AP3B1: variants seen among roughly 807,000 people sequenced by gnomAD.
AP3B1 encodes adaptor related protein complex 3 subunit beta 1.
A neutral mutation model predicts 132.5 loss-of-function variants in AP3B1; 61 were observed. The observed-to-expected ratio is 0.46, with a 90% CI of 0.37 to 0.57. AP3B1 has a LOEUF of 0.57. Among genes scored for constraint, AP3B1 ranks in the 20% least tolerant of loss-of-function variants. The pLI, the probability that AP3B1 is intolerant of heterozygous loss-of-function variation, is 0.00. For synonymous variants in AP3B1, 388 were observed against 438.3 expected, an observed-to-expected ratio of 0.89 and a Z score of 1.43; for missense variants, 1,120 against 1,289.4, an observed-to-expected ratio of 0.87 and a Z score of 2.01.
chr5:78,114,472 G>A (rs139336379), intron 18 of AP3B1, among the ~76,000 whole-genome samples: 2 of 152,180 alleles, frequency 1.3e-5, no homozygotes, highest in East Asian at 1.9e-4. Context: ...GCTAGTAAAC[G>A]AGTTTTCCAT....
rs754697893 is a variant in AP3B1, at chr5:78,100,907, TACTC to T, written c.2470+42_2470+45del. 3.4e-6 allele frequency: 4 copies of T among 1,166,638 alleles called. No individual in the cohort carries two copies. The South Asian group carries it at 5.6e-5, about 16-fold the overall frequency. The allele number at this position is 1,166,638 out of a possible 1,614,324, so 72.3% of individuals were successfully genotyped here. ...TGAAAGGTACTATAAAAATAAAAAATACTCTTACTAAACACAGAAGAAATATTTT... is the reference window on the plus strand; with the variant it reads ...TGAAAGGTACTATAAAAATAAAAAATTTACTAAACACAGAAGAAATATTTT... On this transcript the variant is annotated intron_variant, in intron 21 of 26. Coordinates refer to ENST00000255194, the MANE Select transcript of AP3B1 (RefSeq NM_003664.5).
chr5:78,040,160 GT>G (rs1748015960), intron 22 of AP3B1, among the ~76,000 whole-genome samples: 1 of 151,856 alleles, frequency 6.6e-6, no homozygotes, highest in Admixed American at 6.6e-5. Context: ...TTGAGATCAA[GT>G]TAACTATTCA....
chr5:78,061,072 T>C (rs1749032741), intron 22 of AP3B1, among the ~76,000 whole-genome samples: 1 of 150,800 alleles, frequency 6.6e-6, no homozygotes, highest in Non-Finnish European at 1.5e-5. Flanking sequence ...CACATATCCA[T>C]AAACATACTT....
intron 20 of AP3B1, 70 bp downstream of exon 20, chr5:78,110,137 G>T: frequency 7.6e-7 from 1 of 1,323,270 alleles, no homozygotes. Flanking sequence ...AGTAGATGAG[G>T]ATGGTGTTGT....
intron 24 of AP3B1, among the ~76,000 whole-genome samples, chr5:78,021,919 C>T (rs1747117863): frequency 6.6e-6 from 1 of 152,048 alleles, no homozygotes; most frequent in African/African-American, 2.4e-5. Flanking sequence ...GGACTTCTAC[C>T]TTCATGTTAG....
At position 78,273,075 on chromosome 5, in the gene AP3B1, C is replaced by T. The variant is rs191212775; in HGVS notation, c.129-5480G>A. ...CACACACACAAGTACTCTTAAGGGGCCATGATCCTTGAAAGAAGAGAAGCA... is the reference window on the plus strand; with the variant it reads ...CACACACACAAGTACTCTTAAGGGGTCATGATCCTTGAAAGAAGAGAAGCA... On this transcript the variant is annotated intron_variant, in intron 1 of 26. Coordinates refer to ENST00000255194, the MANE Select transcript of AP3B1 (RefSeq NM_003664.5). 2.0e-3 allele frequency among the ~76,000 whole-genome samples: 210 copies of T among 102,456 alleles called. 1 individual carries two copies. Among genetic ancestry groups the T allele is most frequent in the African/African-American group, 5.5e-3 (200 of 36,272 alleles). The allele number at this position is 102,456 out of a possible 152,430, so 67.2% of individuals were successfully genotyped here.
intron 11 of AP3B1, among the ~76,000 whole-genome samples, chr5:78,174,781 G>T (rs1312250002): frequency 6.6e-6 from 1 of 152,270 alleles, no homozygotes; most frequent in African/African-American, 2.4e-5. Flanking sequence ...GTACACTGAT[G>T]TCTGCAGTTG....
Position 78,175,664 on chromosome 5 carries a change from C to T in AP3B1, c.1129G>A (p.Val377Ile), listed in dbSNP as rs757985695. ...MFEPYLKSFY[V>I]RSTDPTMIKT... is the part of the protein sequence containing the mutation. Reference sequence around the variant, plus strand: ...ATCATAGTTGGATCAGTTGACCTAACATAGAAACTCTTCAGATAAGGTTCA... The same window carrying T: ...ATCATAGTTGGATCAGTTGACCTAATATAGAAACTCTTCAGATAAGGTTCA... Residue 377 changes from valine to isoleucine, a missense_variant, in exon 11 of 27, where the codon GTT becomes ATT. Transcript: ENST00000255194. The T allele has an allele frequency of 5.1e-5, 82 of 1,613,398 alleles. 1 individual carries two copies. In the South Asian group the frequency reaches 8.7e-4, roughly 17 times the overall value.
At chr5:78,019,694 T>A (rs560166728) in intron 25 of AP3B1, among the ~76,000 whole-genome samples, 1 of 152,292 alleles carries the variant, frequency 6.6e-6, no homozygotes. Context: ...ACTATTAATT[T>A]ATGGACTTGT....
chr5:78,057,539 A>G (rs1259200986), intron 22 of AP3B1, among the ~76,000 whole-genome samples: 4 of 152,234 alleles, frequency 2.6e-5, no homozygotes, highest in Admixed American at 2.0e-4. Context: ...TCATAGATCC[A>G]TAACACTTTG....
chr5:78,248,518 A>T (rs1409920916), intron 2 of AP3B1, among the ~76,000 whole-genome samples: 1 of 136,076 alleles, frequency 7.3e-6, no homozygotes, highest in South Asian at 2.3e-4. Flanking sequence ...AAAAAAAAAG[A>T]AAAGAAAAAT....
At chr5:78,087,154 C>T (rs1218687881) in intron 22 of AP3B1, among the ~76,000 whole-genome samples, 15 of 152,106 alleles carry the variant, frequency 9.9e-5, no homozygotes, top group Admixed American at 9.8e-4. Context: ...ACTAGGACAA[C>T]ATGTTGACTT....
intron 18 of AP3B1, among the ~76,000 whole-genome samples, chr5:78,114,367 TGA>T (rs1337870146): frequency 1.3e-5 from 2 of 152,094 alleles, no homozygotes; most frequent in African/African-American, 4.8e-5. Context: ...GAACAAATTT[TGA>T]GAGGAAAATG....
At chr5:78,109,919 T>C (rs1036226173) in intron 20 of AP3B1, among the ~76,000 whole-genome samples, 1 of 152,182 alleles carries the variant, frequency 6.6e-6, no homozygotes, top group Non-Finnish European at 1.5e-5. Context: ...CTTATAATTC[T>C]TTGCTCAATA....
chr5:78,265,460 A>C (rs1748283182), intron 2 of AP3B1, among the ~76,000 whole-genome samples: 1 of 152,102 alleles, frequency 6.6e-6, no homozygotes, highest in Admixed American at 6.5e-5. Flanking sequence ...ACAAAAAAAA[A>C]GGCAAAGAAA....
chr5:78,054,300 C>A (rs1359543662), intron 22 of AP3B1, among the ~76,000 whole-genome samples: 1 of 151,884 alleles, frequency 6.6e-6, no homozygotes, highest in Non-Finnish European at 1.5e-5. Context: ...TGATGGTGGG[C>A]CAGAGAGATT....
Position 78,116,218 on chromosome 5 carries a change from G to A in AP3B1, c.1985C>T (p.Pro662Leu). The part of the protein sequence containing the change: ...EVIELAKEWT[P>L]AGKAKQENSA... ...ATTCTCTTGCTTTGCTTTTCCTGCTGGGGTCCATTCTTTTGCCTGTTTAAA... is the reference window on the plus strand; with the variant it reads ...ATTCTCTTGCTTTGCTTTTCCTGCTAGGGTCCATTCTTTTGCCTGTTTAAA... Residue 662 changes from proline (P) to leucine (L), a missense_variant, in exon 18 of 27, where the codon CCA becomes CTA. By Grantham distance (98) the Pro-to-Leu change is moderately conservative. Coordinates refer to ENST00000255194, the MANE Select transcript of AP3B1 (RefSeq NM_003664.5). The A allele has an allele frequency of 6.2e-7, 1 of 1,613,398 alleles. No homozygotes were observed. The highest frequency in any genetic ancestry group is 8.5e-7 in the Non-Finnish European group (1 of 1,179,560).
At position 78,114,018 on chromosome 5, in the gene AP3B1, A is replaced by G. The variant is rs1242289909; in HGVS notation, c.2078-95T>C. 1.1e-4 allele frequency: 150 copies of G among 1,420,320 alleles called. No homozygotes were observed. In the South Asian group the frequency reaches 1.8e-3, roughly 17 times the overall value. The allele number at this position is 1,420,320 out of a possible 1,614,324, so 88.0% of individuals were successfully genotyped here. ...CAATATTCATCACAAATGAAACCAG[A>G]TGTTGAATTTTAGTTCAGTGGACAC... On this transcript the variant is annotated intron_variant, in intron 18 of 26. Transcript: ENST00000255194.
At position 78,119,053 on chromosome 5, in the gene AP3B1, C is replaced by A. The variant is rs138859073; in HGVS notation, c.1969-2819G>T. On this transcript the variant is annotated intron_variant, in intron 17 of 26. Transcript: ENST00000255194. ...TTCTATAGCCACTGCTGTTCTGCACCCACCGCTGCTGATACCCAGGCAACA... is the reference window on the plus strand; with the variant it reads ...TTCTATAGCCACTGCTGTTCTGCACACACCGCTGCTGATACCCAGGCAACA... Among the ~76,000 whole-genome samples the A allele has an allele frequency of 8.2e-3, 1,253 of 152,274 alleles. 11 individuals carry two copies. The highest frequency in any genetic ancestry group is 0.024 in the Middle Eastern group (7 of 294).
Sources: allele counts gnomAD v4.1 joint callset (sites outside exome capture counted in the v4.1 genomes callset), GRCh38; gene constraint gnomAD v4.1.1; transcripts MANE v1.5; gene names NCBI Gene and HGNC (gene_info 2026-07-23, HGNC 2026-07-21).